KCNB2: variants seen among roughly 807,000 people sequenced by gnomAD.
The protein encoded by KCNB2 is potassium voltage-gated channel subfamily B member 2, also known as delayed rectifier potassium channel protein.
In KCNB2, 15 loss-of-function variants were observed where a neutral mutation model predicts 61.5. The observed-to-expected ratio is 0.24, with a 90% CI of 0.16 to 0.38. The LOEUF is 0.38. Ranked by LOEUF, KCNB2 falls within the 10% of genes least tolerant of loss-of-function variation. KCNB2 has a pLI of 1.00. For synonymous variants in KCNB2, 457 were observed against 446.0 expected (o/e 1.02, Z -0.31); for missense variants, 828 against 1,125.2 (o/e 0.74, Z 3.78).
Position 72,704,194 on chromosome 8 carries a change from TA to T in KCNB2, c.579+135883del, listed in dbSNP as rs1416938229. ...TAGTCAGTGGCATTTATTGAGCAAA[TA>T]ACCTTTTATATAAAGGTTGTAGGGC... On this transcript the variant is annotated intron_variant, in intron 2 of 2. Transcript: ENST00000523207. Among the ~76,000 whole-genome samples the T allele has an allele frequency of 3.3e-5, 5 of 152,304 alleles. No individual in the cohort carries two copies. In the East Asian group the frequency reaches 9.6e-4, roughly 29 times the overall value.
chr8:72,640,573 G>A (rs1195725085), intron 2 of KCNB2, among the ~76,000 whole-genome samples: 1 of 151,902 alleles, frequency 6.6e-6, no homozygotes, highest in Non-Finnish European at 1.5e-5. Flanking sequence ...AAACACTTAC[G>A]CTGAGGAATA....
chr8:72,828,772 C>A (rs1809641538), intron 2 of KCNB2, among the ~76,000 whole-genome samples: 1 of 152,234 alleles, frequency 6.6e-6, no homozygotes, highest in South Asian at 2.1e-4. Flanking sequence ...GTCCTTTACA[C>A]TACTTACCTA....
At chr8:72,714,425 C>A (rs1807386806) in intron 2 of KCNB2, among the ~76,000 whole-genome samples, 2 of 152,080 alleles carry the variant, frequency 1.3e-5, no homozygotes, top group Non-Finnish European at 2.9e-5. Flanking sequence ...GTCAGGTTAC[C>A]CACAAAGGGA....
intron 2 of KCNB2, among the ~76,000 whole-genome samples, chr8:72,627,387 T>C (rs572201852): frequency 4.6e-5 from 7 of 152,218 alleles, no homozygotes; most frequent in Non-Finnish European, 8.8e-5. Flanking sequence ...TAATCATATT[T>C]TCTATCATAG....
intron 2 of KCNB2, among the ~76,000 whole-genome samples, chr8:72,810,411 G>T (rs1809288308): frequency 1.3e-5 from 2 of 152,210 alleles, no homozygotes; most frequent in Admixed American, 1.3e-4. Flanking sequence ...AAACAATCCT[G>T]CAGGCTCTGC....
At chr8:72,686,836 A>G (rs1044447919) in intron 2 of KCNB2, among the ~76,000 whole-genome samples, 19 of 152,190 alleles carry the variant, frequency 1.2e-4, no homozygotes, top group African/African-American at 4.3e-4. Context: ...TTTTATCCAG[A>G]TCAATACTTA....
chr8:72,547,278 A>T (rs187028), intron 1 of KCNB2, among the ~76,000 whole-genome samples: 99,300 of 152,108 alleles, frequency 0.65, 32,730 homozygotes, highest in Admixed American at 0.71. Context: ...TAATGTTTTC[A>T]TGCCTGCTAA....
intron 2 of KCNB2, among the ~76,000 whole-genome samples, chr8:72,647,698 G>A (rs1020356033): frequency 1.3e-5 from 2 of 152,106 alleles, no homozygotes; most frequent in African/African-American, 4.8e-5. Context: ...AAGTGGGAAT[G>A]AGGCTGGGCT....
intron 2 of KCNB2, among the ~76,000 whole-genome samples, chr8:72,889,682 C>T (rs1336873680): frequency 1.3e-5 from 2 of 151,928 alleles, no homozygotes; most frequent in African/African-American, 4.8e-5. Context: ...GAGACCCTGT[C>T]TCAAAAGAAA....
chr8:72,777,611 C>A (rs370957436), intron 2 of KCNB2, among the ~76,000 whole-genome samples: 6 of 152,016 alleles, frequency 3.9e-5, no homozygotes. Context: ...TTCCAGAATC[C>A]CAGATGTTTA....
chr8:72,780,185 A>G (rs1808731077), intron 2 of KCNB2, among the ~76,000 whole-genome samples: 1 of 152,196 alleles, frequency 6.6e-6, no homozygotes, highest in African/African-American at 2.4e-5. Context: ...CTTTATGTAT[A>G]ACTTACGACT....
chr8:72,733,366 G>A (rs1485873340), intron 2 of KCNB2, among the ~76,000 whole-genome samples: 1 of 152,014 alleles, frequency 6.6e-6, no homozygotes, highest in Non-Finnish European at 1.5e-5. Context: ...ACCTCAACCA[G>A]GATGGACTTT....
intron 2 of KCNB2, among the ~76,000 whole-genome samples, chr8:72,770,034 C>A (rs1563380086): frequency 6.6e-6 from 1 of 152,154 alleles, no homozygotes; most frequent in Non-Finnish European, 1.5e-5. Context: ...CATCAGAGGC[C>A]AACCAACTCT....
intron 2 of KCNB2, among the ~76,000 whole-genome samples, chr8:72,926,115 G>A (rs1806642668): frequency 6.6e-6 from 1 of 152,186 alleles, no homozygotes; most frequent in South Asian, 2.1e-4. Flanking sequence ...TTGGGGGAGG[G>A]AGAGCATCAG....
intron 2 of KCNB2, among the ~76,000 whole-genome samples, chr8:72,928,305 G>C (rs1806697508): frequency 6.6e-6 from 1 of 150,630 alleles, no homozygotes; most frequent in African/African-American, 2.4e-5. Flanking sequence ...TGATTCTCAT[G>C]CTTCAGTCAC....
chr8:72,932,634 A>G (rs754069007), intron 2 of KCNB2, among the ~76,000 whole-genome samples: 6 of 152,286 alleles, frequency 3.9e-5, no homozygotes, highest in Admixed American at 6.5e-5. Flanking sequence ...TTGCAGTCCA[A>G]CCTTTATATA....
chr8:72,846,211 C>G (rs1401256551), intron 2 of KCNB2, among the ~76,000 whole-genome samples: 1 of 152,190 alleles, frequency 6.6e-6, no homozygotes, highest in Admixed American at 6.5e-5. Flanking sequence ...AGTTCCTCCA[C>G]CCCTTGTGCT....
intron 2 of KCNB2, among the ~76,000 whole-genome samples, chr8:72,642,686 G>A (rs903307419): frequency 2.6e-5 from 4 of 152,064 alleles, no homozygotes; most frequent in African/African-American, 9.7e-5. Flanking sequence ...GAACTTAACA[G>A]CAAGTTTTGT....
rs115275719 is a variant in KCNB2 at position 72,552,052 on chromosome 8, A to G, written c.-94+14167A>G. 9.1e-3 allele frequency among the ~76,000 whole-genome samples: 1,390 copies of G among 152,204 alleles called. 18 individuals carry two copies. The highest frequency in any genetic ancestry group is 0.032 in the African/African-American group (1,318 of 41,540). ...AAGCGCCAAACCATGACCGTGCACT[A>G]TTTACACTCATGAACTCTATATTCT... On this transcript the variant is annotated intron_variant, in intron 1 of 2. Coordinates refer to ENST00000523207, the MANE Select transcript of KCNB2 (RefSeq NM_004770.3).
Sources: gnomAD v4.1 joint callset for allele counts (sites outside exome capture counted in the v4.1 genomes callset) on GRCh38, gnomAD v4.1.1 for gene constraint, MANE v1.5 for transcripts, NCBI Gene and HGNC (gene_info 2026-07-23, HGNC 2026-07-21) for gene names.